HIVEP1: variants seen among roughly 807,000 people sequenced by gnomAD.
HIVEP1 encodes the protein zinc finger protein 40.
In HIVEP1, 36 loss-of-function variants were observed where a neutral mutation model predicts 180.0. That is an observed-to-expected ratio of 0.20 (90% CI 0.15 to 0.26). HIVEP1 has a LOEUF of 0.26. Ranked by LOEUF, HIVEP1 falls within the 10% of genes least tolerant of loss-of-function variation. The probability of loss-of-function intolerance (pLI) is 1.00; values close to 1 mark genes in which losing one functional copy is unlikely to be tolerated. For missense variants in HIVEP1, 3,143 were observed against 3,268.7 expected, an observed-to-expected ratio of 0.96 and a Z score of 0.94; for synonymous variants, 1,239 against 1,239.0, an observed-to-expected ratio of 1.00 and a Z score of 0.00.
the HIVEP1 span, among the ~76,000 whole-genome samples, chr6:12,196,048 AATTAGT>A: frequency 6.6e-6 from 1 of 152,256 alleles, no homozygotes; most frequent in Non-Finnish European, 1.5e-5. Flanking sequence ...CAATCAGACC[AATTAGT>A]AGTATGTGGA....
intron 3 of HIVEP1, among the ~76,000 whole-genome samples, chr6:12,117,231 T>C (rs996311703): frequency 1.3e-5 from 2 of 152,204 alleles, no homozygotes; most frequent in Non-Finnish European, 2.9e-5. Flanking sequence ...ATGCAAAGTT[T>C]TGAAGGGAAT....
At chr6:12,011,133 A>G (rs1010179006), upstream of HIVEP1, among the ~76,000 whole-genome samples, 11 of 152,124 alleles carry the variant, frequency 7.2e-5, no homozygotes, top group African/African-American at 2.7e-4. Context: ...CAGGGTTAAC[A>G]TGTCCCCTTC....
chr6:12,097,643 A>C (rs1357460848), intron 3 of HIVEP1, among the ~76,000 whole-genome samples: 2 of 152,122 alleles, frequency 1.3e-5, no homozygotes, highest in East Asian at 3.8e-4. Flanking sequence ...TAGTATTTTA[A>C]TTATTTGTGT....
At chr6:12,029,071 C>G (rs1457487085) in intron 2 of HIVEP1, among the ~76,000 whole-genome samples, 1 of 152,168 alleles carries the variant, frequency 6.6e-6, no homozygotes, top group Non-Finnish European at 1.5e-5. Context: ...TATATAAATG[C>G]ACTGATTGTA....
the HIVEP1 span, among the ~76,000 whole-genome samples, chr6:12,180,865 G>A: frequency 6.6e-6 from 1 of 152,140 alleles, no homozygotes; most frequent in African/African-American, 2.4e-5. Flanking sequence ...TGCTGAATAG[G>A]CTTGAAAAAG....
chr6:12,205,130 T>C, the HIVEP1 span, among the ~76,000 whole-genome samples: 1 of 152,108 alleles, frequency 6.6e-6, no homozygotes, highest in Non-Finnish European at 1.5e-5. Context: ...TAAGCCACTC[T>C]AAGGACCTGG....
intron 6 of HIVEP1, 62 bp downstream of exon 6, chr6:12,131,004 C>G: frequency 8.2e-7 from 1 of 1,213,440 alleles, no homozygotes; most frequent in Non-Finnish European, 1.2e-6. Flanking sequence ...AAGCTAAAAC[C>G]CAACTGTGCG....
At position 12,075,283 on chromosome 6, in the gene HIVEP1, A is replaced by G. The variant is rs1357164450; in HGVS notation, c.41-13901A>G. On this transcript the variant is annotated intron_variant, in intron 2 of 8. Coordinates refer to ENST00000379388, the MANE Select transcript of HIVEP1 (RefSeq NM_002114.4). ...GGGAGGTCTTTGACCCTATCTCCCAATCCCCTCGAAAGGAATGAAGAACTT... is the reference window on the plus strand; with the variant it reads ...GGGAGGTCTTTGACCCTATCTCCCAGTCCCCTCGAAAGGAATGAAGAACTT... Among the ~76,000 whole-genome samples, 12 of 152,360 alleles carry G rather than the reference A, an allele frequency of 7.9e-5. No individual in the cohort carries two copies. The South Asian group carries it at 1.9e-3, about 24-fold the overall frequency.
intron 7 of HIVEP1, among the ~76,000 whole-genome samples, chr6:12,138,989 A>G (rs987639168): frequency 6.7e-6 from 1 of 148,460 alleles, no homozygotes; most frequent in South Asian, 2.2e-4. Context: ...CACCTCCAAC[A>G]CCCCACCCCA....
intron 7 of HIVEP1, among the ~76,000 whole-genome samples, chr6:12,150,021 A>G (rs151305765): frequency 2.6e-5 from 4 of 152,312 alleles, no homozygotes; most frequent in African/African-American, 9.6e-5. Flanking sequence ...AGCAGGAGGA[A>G]TTATACATTT....
At position 12,163,981 on chromosome 6, in the gene HIVEP1, T is replaced by G. The variant is rs1372484795; in HGVS notation, c.7677T>G (p.Ser2559Arg). Residue 2559 changes from serine to arginine, a missense_variant, in exon 9 of 9, where the codon AGT becomes AGG. Around this residue, in one of 12 missense-constraint regions of HIVEP1, gnomAD observed 595 missense variants for 602.2 expected, o/e 0.99. Coordinates refer to ENST00000379388, the MANE Select transcript of HIVEP1 (RefSeq NM_002114.4). ...TGCCCACCTTAATCCCCTCAGTCAG[T>G]CAAGTAGCCGTTGATGCACAGGGAG... ...IALPTLIPSVSQVAVDAQGAP... is the reference protein window; with the variant it reads ...IALPTLIPSVRQVAVDAQGAP... The G allele has an allele frequency of 6.2e-7, 1 of 1,613,876 alleles. No homozygotes were observed. The highest frequency in any genetic ancestry group is 8.5e-7 in the Non-Finnish European group (1 of 1,179,982).
upstream of HIVEP1, among the ~76,000 whole-genome samples, chr6:12,009,080 C>A (rs1767144904): frequency 6.6e-6 from 1 of 150,394 alleles, no homozygotes; most frequent in African/African-American, 2.4e-5. Flanking sequence ...CGTGACCCGG[C>A]GGCCGGCGGG....
chr6:12,015,546 T>A lies in HIVEP1; in HGVS notation c.-83T>A. The stretch of plus-strand genomic sequence containing the variant: ...TTCAGCACATGGATTAATTGATGTA[T>A]GTTGAGTTTATGGAGCTGCCTTTTG... On this transcript the variant is annotated 5_prime_UTR_variant, in exon 2 of 9. It removes an upstream start codon present in the reference 5' UTR. Transcript: ENST00000379388. 2 of 1,068,676 alleles carry A rather than the reference T, an allele frequency of 1.9e-6. No homozygotes were observed. The highest frequency in any genetic ancestry group is 2.9e-6 in the Non-Finnish European group (2 of 697,082). 66.2% of individuals were successfully genotyped at this position (1,068,676 alleles called of 1,614,324 possible).
At chr6:12,051,188 C>G (rs1770516727) in intron 2 of HIVEP1, among the ~76,000 whole-genome samples, 1 of 151,614 alleles carries the variant, frequency 6.6e-6, no homozygotes, top group Non-Finnish European at 1.5e-5. Flanking sequence ...ACTACTAATG[C>G]CAGCACCAAT....
At chr6:12,157,374 T>C (rs1309662419) in intron 7 of HIVEP1, among the ~76,000 whole-genome samples, 1 of 152,172 alleles carries the variant, frequency 6.6e-6, no homozygotes, top group Non-Finnish European at 1.5e-5. Context: ...GTTTGTTTCA[T>C]TTTTGGGTTT....
chr6:12,155,830 C>T (rs778584482), intron 7 of HIVEP1, among the ~76,000 whole-genome samples: 1 of 152,244 alleles, frequency 6.6e-6, no homozygotes, highest in East Asian at 1.9e-4. Flanking sequence ...AATCACCACA[C>T]TGTCTTCCAC....
rs749726168 is a variant in HIVEP1 at position 12,114,914 on chromosome 6, G to A, written c.95-4976G>A. ...TCTGATCTCTTGACCTTCTGGCCGA[G>A]CATGATCTCAATTGTTAGAAAACAG... On this transcript the variant is annotated intron_variant, in intron 3 of 8. Transcript: ENST00000379388. Among the ~76,000 whole-genome samples the A allele has an allele frequency of 1.2e-4, 18 of 152,198 alleles. 1 individual carries two copies. Among genetic ancestry groups the A allele is most frequent in the South Asian group, 1.0e-3 (5 of 4,828 alleles).
intron 3 of HIVEP1, among the ~76,000 whole-genome samples, chr6:12,106,047 TAC>T (rs1206637958): frequency 5.0e-4 from 76 of 151,508 alleles, no homozygotes; most frequent in Middle Eastern, 6.9e-3. Context: ...TACATATATA[TAC>T]ACACACACAT....
At chr6:12,187,168 A>G in the HIVEP1 span, among the ~76,000 whole-genome samples, 1 of 152,210 alleles carries the variant, frequency 6.6e-6, no homozygotes, top group African/African-American at 2.4e-5. Context: ...AGGAGAGCAG[A>G]GTTCAGAGCA....
Sources: allele counts gnomAD v4.1 joint callset (sites outside exome capture counted in the v4.1 genomes callset), GRCh38; gene constraint gnomAD v4.1.1; regional missense constraint gnomAD v4.1.1; transcripts MANE v1.5; gene names NCBI Gene and HGNC (gene_info 2026-07-23, HGNC 2026-07-21).